Variants in SRGAP1 observed in about 807,000 individuals in gnomAD.
SRGAP1 encodes the protein SLIT-ROBO Rho GTPase-activating protein 1.
In SRGAP1, 43 loss-of-function variants were observed where a neutral mutation model predicts 121.9. The ratio of observed to expected loss-of-function variants is 0.35; its 90% CI spans 0.28 to 0.46. The LOEUF is 0.46. SRGAP1 is among the 20% of genes least tolerant of loss of function. The pLI is 1.00. For synonymous variants in SRGAP1, 447 were observed against 485.4 expected, an observed-to-expected ratio of 0.92 and a Z score of 1.04; for missense variants, 1,102 against 1,350.9, an observed-to-expected ratio of 0.82 and a Z score of 2.89.
chr12:63,850,205 GGTTA>G (rs1267664985), intron 1 of SRGAP1, among the ~76,000 whole-genome samples: 2 of 152,068 alleles, frequency 1.3e-5, no homozygotes, highest in Non-Finnish European at 2.9e-5. Flanking sequence ...CTGAAAACCC[GGTTA>G]GTTTCATGAA....
chr12:64,131,948 G>A (rs569829365), intron 21 of SRGAP1, among the ~76,000 whole-genome samples: 4 of 152,258 alleles, frequency 2.6e-5, no homozygotes, highest in African/African-American at 9.6e-5. Flanking sequence ...AAGCCAAGGC[G>A]GGTAGATCAC....
chr12:63,955,216 G>A (rs1364805589), intron 1 of SRGAP1, among the ~76,000 whole-genome samples: 2 of 152,148 alleles, frequency 1.3e-5, no homozygotes, highest in Non-Finnish European at 2.9e-5. Context: ...CTACTTGGGA[G>A]GCTGAGGCAG....
chr12:64,004,076 C>G (rs1440336404), intron 3 of SRGAP1, among the ~76,000 whole-genome samples: 1 of 152,156 alleles, frequency 6.6e-6, no homozygotes, highest in Non-Finnish European at 1.5e-5. Context: ...TCAGACAAGC[C>G]AAGTGTCATC....
rs552435478 is a variant in SRGAP1, at chr12:63,852,420, A to G, written c.67+7537A>G. Among the ~76,000 whole-genome samples, 11 of 152,368 alleles carry G rather than the reference A, an allele frequency of 7.2e-5. No individual in the cohort carries two copies. In the East Asian group the frequency reaches 1.7e-3, roughly 24 times the overall value. ...AGTGGACTAATCTTGAATTATCCTA[A>G]GAGAGTGCCATGTGCTTTTAGAGTG... On this transcript the variant is annotated intron_variant, in intron 1 of 21. Transcript: ENST00000355086.
At chr12:63,987,074 T>A (rs577444050) in intron 2 of SRGAP1, among the ~76,000 whole-genome samples, 188 of 152,322 alleles carry the variant, frequency 1.2e-3, no homozygotes, top group Middle Eastern at 6.8e-3. Flanking sequence ...TGTCCTAACT[T>A]GTAAAATGAG....
chr12:64,013,793 T>C (rs2034323764), intron 3 of SRGAP1, among the ~76,000 whole-genome samples: 1 of 152,140 alleles, frequency 6.6e-6, no homozygotes, highest in Non-Finnish European at 1.5e-5. Context: ...TATACACACA[T>C]GGCAAGGGAA....
chr12:64,033,927 G>A (rs2034840993), intron 4 of SRGAP1, among the ~76,000 whole-genome samples: 1 of 152,138 alleles, frequency 6.6e-6, no homozygotes, highest in Admixed American at 6.5e-5. Flanking sequence ...GGCTGAGGCA[G>A]GAGAATTGCT....
Position 64,062,883 on chromosome 12 carries a change from C to T in SRGAP1, c.802-34C>T, listed in dbSNP as rs762393953. ...TTTTGTCTTTGATCAATTTTGCATT[C>T]ATTTTTGTATGTGGTGTTCTTTTAC... On this transcript the variant is annotated intron_variant, in intron 6 of 21. Transcript: ENST00000355086. The T allele has an allele frequency of 1.9e-6, 3 of 1,548,928 alleles. No individual in the cohort carries two copies. In the East Asian group the frequency reaches 6.8e-5, roughly 35 times the overall value.
At position 64,142,797 on chromosome 12, in the gene SRGAP1, A is replaced by C. The variant is rs537093796; in HGVS notation, c.*125A>C. On this transcript the variant is annotated 3_prime_UTR_variant, in exon 22 of 22. Transcript: ENST00000355086. ...TAACTGGAGATCTTTTGGCTTTTCT[A>C]TGTTGTCGAATGTAATGTCTGAGAC... 3.1e-6 allele frequency: 4 copies of C among 1,290,348 alleles called. No homozygotes were observed. The highest frequency in any genetic ancestry group is 4.2e-6 in the Non-Finnish European group (4 of 946,958). The allele number at this position is 1,290,348 out of a possible 1,614,324, so 79.9% of individuals were successfully genotyped here. A position where few individuals can be genotyped will look rare whatever the true frequency, so the allele number is the denominator to read the frequency against.
intron 4 of SRGAP1, among the ~76,000 whole-genome samples, chr12:64,017,988 C>A: frequency 1.3e-5 from 2 of 151,870 alleles, no homozygotes. Flanking sequence ...ATACAAATTT[C>A]TTTTGGGGGA....
rs573371620 is a variant in SRGAP1, at chr12:63,918,859, T to G, written c.68-65088T>G. Among the ~76,000 whole-genome samples the G allele has an allele frequency of 3.9e-5, 6 of 152,254 alleles. No individual in the cohort carries two copies. In the East Asian group the frequency reaches 1.2e-3, roughly 29 times the overall value. On this transcript the variant is annotated intron_variant, in intron 1 of 21. Transcript: ENST00000355086. ...AACAAGAATGTCAAAGACTCCACAG[T>G]TAGGGAGTTTGCATTCTAATGGGAG...
At chr12:63,937,746 C>G (rs562729022) in intron 1 of SRGAP1, among the ~76,000 whole-genome samples, 2 of 152,372 alleles carry the variant, frequency 1.3e-5, no homozygotes, top group African/African-American at 4.8e-5. Context: ...AGGAGCTCGC[C>G]TTAAACTGCT....
At chr12:63,868,073 T>TG (rs1899715335) in intron 1 of SRGAP1, among the ~76,000 whole-genome samples, 7 of 100,870 alleles carry the variant, frequency 6.9e-5, no homozygotes, top group South Asian at 7.2e-4. Flanking sequence ...TTTTTTTTTT[T>TG]TTTTTGTTTT....
chr12:63,916,885 T>TG (rs1413149095), intron 1 of SRGAP1, among the ~76,000 whole-genome samples: 4 of 152,164 alleles, frequency 2.6e-5, no homozygotes, highest in Non-Finnish European at 5.9e-5. Flanking sequence ...TGATTAATTT[T>TG]GGGGAAGTTG....
At position 63,952,443 on chromosome 12, in the gene SRGAP1, G is replaced by A. The variant is rs1004789578; in HGVS notation, c.68-31504G>A. Among the ~76,000 whole-genome samples the A allele has an allele frequency of 6.6e-5, 10 of 152,136 alleles. 1 individual carries two copies. Among genetic ancestry groups the A allele is most frequent in the Admixed American group, 3.3e-4 (5 of 15,272 alleles). The stretch of plus-strand genomic sequence containing the variant: ...AGGTGGGAGGCTTGCTTGTGCCCAG[G>A]AGTTTGAGGCTGCAGTGAGCTATGA... On this transcript the variant is annotated intron_variant, in intron 1 of 21. Coordinates refer to ENST00000355086, the MANE Select transcript of SRGAP1 (RefSeq NM_020762.4).
At chr12:64,086,742 A>AAAC (rs398019901) in intron 10 of SRGAP1, among the ~76,000 whole-genome samples, 6 of 140,678 alleles carry the variant, frequency 4.3e-5, no homozygotes, top group African/African-American at 1.6e-4. Context: ...AAAAAAAAAA[A>AAAC]CACAGCCTCA....
intron 3 of SRGAP1, among the ~76,000 whole-genome samples, chr12:64,002,367 T>G (rs542356821): frequency 2.5e-4 from 38 of 152,294 alleles, no homozygotes; most frequent in Non-Finnish European, 4.6e-4. Context: ...GGCAACAACC[T>G]GTTGTTTTAT....
intron 4 of SRGAP1, among the ~76,000 whole-genome samples, chr12:64,017,892 ATAAC>A (rs2034447190): frequency 1.3e-5 from 2 of 152,296 alleles, no homozygotes; most frequent in East Asian, 1.9e-4. Context: ...TTTATTAAAA[ATAAC>A]TAACACCTAA....
intron 4 of SRGAP1, among the ~76,000 whole-genome samples, chr12:64,042,230 G>T (rs1290089487): frequency 6.6e-6 from 1 of 151,630 alleles, no homozygotes; most frequent in Non-Finnish European, 1.5e-5. Flanking sequence ...TTGTTTGTTT[G>T]TTTTTTTAAG....
Sources: allele counts gnomAD v4.1 joint callset (sites outside exome capture counted in the v4.1 genomes callset), GRCh38; gene constraint gnomAD v4.1.1; transcripts MANE v1.5; gene names NCBI Gene and HGNC (gene_info 2026-07-23, HGNC 2026-07-21).